Variants in IQSEC2 observed in about 807,000 individuals in gnomAD.
IQSEC2 encodes the protein IQ motif and SEC7 domain-containing protein 2.
In IQSEC2, 6 loss-of-function variants were observed where a neutral mutation model predicts 74.6. The ratio of observed to expected loss-of-function variants is 0.08; its 90% CI spans 0.04 to 0.16. The LOEUF is 0.16. Ranked by LOEUF, IQSEC2 falls within the 10% of genes least tolerant of loss-of-function variation. The pLI is 1.00. For synonymous variants in IQSEC2, 494 were observed against 544.5 expected (o/e 0.91, Z 1.29); for missense variants, 734 against 1,306.2 (o/e 0.56, Z 6.75).
At chrX:53,290,503 G>A (rs1032511620) in intron 2 of IQSEC2, among the ~76,000 whole-genome samples, 4 of 111,685 alleles carry the variant, frequency 3.6e-5, no homozygotes, top group Non-Finnish European at 7.5e-5. Flanking sequence ...CCAAACCCAC[G>A]GTGGGACACT....
chrX:53,235,381 C>G (rs2074111611), intron 14 of IQSEC2, among the ~76,000 whole-genome samples, 197 bp from the exon 15 acceptor site: 1 of 111,731 alleles, frequency 9.0e-6, no homozygotes, highest in Non-Finnish European at 1.9e-5. Flanking sequence ...ACTATCTCAG[C>G]TGAGCCTCAG....
At chrX:53,283,970 C>T (rs1409036520) in intron 2 of IQSEC2, among the ~76,000 whole-genome samples, 1 of 111,332 alleles carries the variant, frequency 9.0e-6, no homozygotes, top group Non-Finnish European at 1.9e-5. Context: ...CCAGCAAGCA[C>T]GAAGAGACTG....
chrX:53,300,250 A>G (rs1556875194), intron 1 of IQSEC2, among the ~76,000 whole-genome samples: 1 of 111,369 alleles, frequency 9.0e-6, no homozygotes, highest in African/African-American at 3.3e-5. Flanking sequence ...TTTTAATGAG[A>G]TTTGGGAAAG....
chrX:53,280,765 G>T (rs1191153871), intron 2 of IQSEC2, among the ~76,000 whole-genome samples: 1 of 111,698 alleles, frequency 9.0e-6, no homozygotes, highest in Non-Finnish European at 1.9e-5. Flanking sequence ...GGGCAGGGAG[G>T]CTGAGGGCCT....
Position 53,250,823 on chromosome X carries a change from G to A in IQSEC2, c.1753C>T (p.Arg585Trp). Reference protein sequence around the residue: ...GPGCLECRDFRLRAAHLPLLT... With the variant: ...GPGCLECRDFWLRAAHLPLLT... Reference sequence around the variant, plus strand: ...AGGGGAAGGTGGGCAGCCCGCAGCCGGAAATCCCGGCACTCCAAGCACCCG... The same window carrying A: ...AGGGGAAGGTGGGCAGCCCGCAGCCAGAAATCCCGGCACTCCAAGCACCCG... The change falls in exon 5 of 15, where the codon CGG becomes TGG. Residue 585 changes from arginine (R) to tryptophan (W), a missense_variant. Transcript: ENST00000642864. 2 of 1,208,813 alleles carry A rather than the reference G, an allele frequency of 1.7e-6. No homozygotes were observed. Among genetic ancestry groups the A allele is most frequent in the Non-Finnish European group, 2.2e-6 (2 of 893,739 alleles).
At chrX:53,245,794 CCATATATTGGAACCT>C (rs1247749192) in intron 8 of IQSEC2, among the ~76,000 whole-genome samples, 2 of 110,055 alleles carry the variant, frequency 1.8e-5, no homozygotes, top group Non-Finnish European at 3.8e-5. Flanking sequence ...TATATTGGTT[CCATATATTGGAACCT>C]CATATATTGG....
chrX:53,281,514 G>A (rs1292269674), intron 2 of IQSEC2: 7 of 1,149,605 alleles, frequency 6.1e-6, no homozygotes, highest in Non-Finnish European at 7.0e-6. Context: ...CCTCCCGGGG[G>A]GCTCCATGGG....
At chrX:53,235,974 C>A (rs781952492) in intron 13 of IQSEC2, 142 bp from the exon 14 acceptor site, 1 of 556,042 alleles carries the variant, frequency 1.8e-6, no homozygotes, top group Non-Finnish European at 2.9e-6. Context: ...GAGGGGGAGG[C>A]GGGGAGGAGG....
At chrX:53,278,954 G>T (rs868963460) in intron 2 of IQSEC2, among the ~76,000 whole-genome samples, 2 of 112,186 alleles carry the variant, frequency 1.8e-5, no homozygotes, top group Middle Eastern at 4.6e-3. Context: ...AAGGCGGGCG[G>T]ATCACGAGGT....
chrX:53,228,544 G>C (rs192434629), downstream of IQSEC2, among the ~76,000 whole-genome samples: 1 of 112,032 alleles, frequency 8.9e-6, no homozygotes, highest in African/African-American at 3.2e-5. Context: ...TGACTGGAAG[G>C]CTCGTCTGGG....
rs1556860127 is a variant in IQSEC2, at chrX:53,238,142, C to T, written c.3277+3G>A. ...AGGGAGGAGACATGGCTGGGCTACT[C>T]ACACTCCACACGGTATTTCTCCATC... is the stretch of plus-strand genomic sequence containing the variant. On this transcript the variant is annotated splice_donor_region_variant and intron_variant, in intron 12 of 14. Coordinates refer to ENST00000642864, the MANE Select transcript of IQSEC2 (RefSeq NM_001111125.3). 1.7e-6 allele frequency: 2 copies of T among 1,198,879 alleles called. No individual in the cohort carries two copies. Among genetic ancestry groups the T allele is most frequent in the Non-Finnish European group, 2.2e-6 (2 of 889,164 alleles).
intron 2 of IQSEC2, among the ~76,000 whole-genome samples, chrX:53,256,797 G>C (rs1265068646): frequency 8.9e-6 from 1 of 112,676 alleles, no homozygotes; most frequent in Non-Finnish European, 1.9e-5. Context: ...GCAGCCCTGC[G>C]GGGCAGCTTC....
intron 2 of IQSEC2, among the ~76,000 whole-genome samples, chrX:53,280,000 C>T (rs782632348): frequency 2.8e-5 from 3 of 107,278 alleles, no homozygotes; most frequent in South Asian, 4.3e-4. Context: ...AAAGAGAGGA[C>T]GGCACTCGAA....
chrX:53,295,246 C>A (rs1449922095), intron 1 of IQSEC2, among the ~76,000 whole-genome samples: 1 of 112,058 alleles, frequency 8.9e-6, no homozygotes. Context: ...AGGATAGTAA[C>A]CATATTTTCT....
At chrX:53,243,495 A>C in intron 8 of IQSEC2, 24 bp from the exon 9 acceptor site, 1 of 1,153,802 alleles carries the variant, frequency 8.7e-7, no homozygotes, top group Non-Finnish European at 1.2e-6. Context: ...TAACACAGGG[A>C]TATGTCACAT....
chrX:53,257,433 C>T (rs1219223649), intron 2 of IQSEC2, among the ~76,000 whole-genome samples: 1 of 112,265 alleles, frequency 8.9e-6, no homozygotes, highest in East Asian at 2.8e-4. Flanking sequence ...CGCTCGCTCT[C>T]CACCCCAAAT....
At chrX:53,247,950 A>G (rs1336564945) in intron 7 of IQSEC2, among the ~76,000 whole-genome samples, 164 bp downstream of exon 7, 2 of 112,422 alleles carry the variant, frequency 1.8e-5, no homozygotes, top group Non-Finnish European at 3.7e-5. Context: ...TAGATACTTT[A>G]TATGCACTAC....
chrX:53,235,903 G>A (rs1223065409), intron 13 of IQSEC2, 71 bp from the exon 14 acceptor site: 2 of 1,045,459 alleles, frequency 1.9e-6, no homozygotes, highest in Non-Finnish European at 2.6e-6. Flanking sequence ...CTCCAGAGCT[G>A]GGCACCAGGA....
intron 1 of IQSEC2, among the ~76,000 whole-genome samples, chrX:53,305,669 A>G (rs1311930750): frequency 1.8e-5 from 2 of 112,180 alleles, no homozygotes; most frequent in East Asian, 2.8e-4. Context: ...CACACAGCTA[A>G]TAAGTAGTAG....
Sources: gnomAD v4.1 joint callset for allele counts (sites outside exome capture counted in the v4.1 genomes callset) on GRCh38, gnomAD v4.1.1 for gene constraint, MANE v1.5 for transcripts, NCBI Gene and HGNC (gene_info 2026-07-23, HGNC 2026-07-21) for gene names.